The following LRRC9 variants were observed in gnomAD, a reference collection of about 807,000 sequenced individuals.
LRRC9 encodes the protein leucine rich repeat containing 9.
A neutral mutation model predicts 63.2 loss-of-function variants in LRRC9; 122 were observed. The ratio of observed to expected loss-of-function variants is 1.93; its 90% CI spans 1.67 to 2.24. The LOEUF is 2.24. Ranked by LOEUF, LRRC9 falls within the 30% of genes most tolerant of loss-of-function variation. The pLI, the probability that LRRC9 is intolerant of heterozygous loss-of-function variation, is 0.00. For synonymous variants in LRRC9, 366 were observed against 213.1 expected (o/e 1.72, Z -6.25); for missense variants, 1,071 against 627.7 (o/e 1.71, Z -7.55).
chr14:60,029,394 G>C (rs989190022), intron 28 of LRRC9, among the ~76,000 whole-genome samples: 6 of 152,030 alleles, frequency 3.9e-5, no homozygotes, highest in African/African-American at 1.4e-4. Context: ...TAGTAGGGGA[G>C]TGTTTCATTT....
intron 15 of LRRC9, among the ~76,000 whole-genome samples, chr14:59,979,139 G>A (rs1886636614): frequency 6.6e-6 from 1 of 152,042 alleles, no homozygotes; most frequent in Admixed American, 6.6e-5. Flanking sequence ...AGGCATGGTG[G>A]CTCATGCCTG....
intron 8 of LRRC9, among the ~76,000 whole-genome samples, chr14:59,952,175 G>T (rs557842387): frequency 2.6e-5 from 4 of 151,378 alleles, no homozygotes; most frequent in African/African-American, 9.7e-5. Flanking sequence ...AGGACCCTCC[G>T]AGCCAGGTGT....
At chr14:60,037,711 C>A (rs935159563) in intron 29 of LRRC9, among the ~76,000 whole-genome samples, 2 of 152,104 alleles carry the variant, frequency 1.3e-5, no homozygotes, top group African/African-American at 2.4e-5. Flanking sequence ...TCCCATTCTG[C>A]AGGTTGCCTG....
At chr14:59,980,457 C>T (rs1347361645) in intron 15 of LRRC9, among the ~76,000 whole-genome samples, 1 of 152,032 alleles carries the variant, frequency 6.6e-6, no homozygotes, top group Non-Finnish European at 1.5e-5. Context: ...TCTTTTTAAA[C>T]TTTTTTTGAC....
chr14:59,960,615 A>G (rs1884252008), intron 9 of LRRC9, among the ~76,000 whole-genome samples: 1 of 152,200 alleles, frequency 6.6e-6, no homozygotes, highest in Non-Finnish European at 1.5e-5. Context: ...TTGCCATTTT[A>G]CTGAGAAAAC....
At chr14:60,028,705 T>C (rs1443656223) in intron 28 of LRRC9, among the ~76,000 whole-genome samples, 1 of 152,106 alleles carries the variant, frequency 6.6e-6, no homozygotes, top group East Asian at 1.9e-4. Context: ...TCTCTTAGCA[T>C]TTCTGTGGTG....
chr14:60,061,346 T>C (rs1894646806), intron 31 of LRRC9, among the ~76,000 whole-genome samples: 1 of 152,216 alleles, frequency 6.6e-6, no homozygotes. Context: ...CCATCCTGAC[T>C]GGTCAGCAGC....
intron 1 of LRRC9, among the ~76,000 whole-genome samples, chr14:59,924,766 T>C (rs1473239862): frequency 6.6e-6 from 1 of 152,192 alleles, no homozygotes; most frequent in Non-Finnish European, 1.5e-5. Flanking sequence ...AGATAGCACA[T>C]GATTTGGCCC....
intron 17 of LRRC9, among the ~76,000 whole-genome samples, chr14:59,995,987 G>A (rs1404992974): frequency 3.3e-5 from 5 of 151,976 alleles, no homozygotes; most frequent in South Asian, 2.1e-4. Context: ...TGATCCACCC[G>A]CCTCAGCCTC....
intron 8 of LRRC9, among the ~76,000 whole-genome samples, chr14:59,959,510 G>A (rs150682): frequency 0.18 from 27,977 of 152,016 alleles, 3,699 homozygotes; most frequent in African/African-American, 0.37. Flanking sequence ...TAATAGAGGC[G>A]AACTTATTAA....
chr14:59,957,054 C>T (rs146681187), intron 8 of LRRC9, among the ~76,000 whole-genome samples: 8 of 152,104 alleles, frequency 5.3e-5, no homozygotes, highest in South Asian at 2.1e-4. Flanking sequence ...CTCTGGCTGC[C>T]CTTAACATTT....
At chr14:60,045,315 G>A (rs1037876959) in intron 29 of LRRC9, among the ~76,000 whole-genome samples, 1 of 152,026 alleles carries the variant, frequency 6.6e-6, no homozygotes, top group African/African-American at 2.4e-5. Flanking sequence ...GGATGTGCAG[G>A]TCTGTTACTT....
rs147770749 is a variant in LRRC9, at chr14:59,940,378, G to T, written c.726+1806G>T. ...TTCCCTACTATGCATGAGACAAATT[G>T]TGGCAGTTCTTTGTGATAAACTCTT... On this transcript the variant is annotated intron_variant, in intron 7 of 31. Coordinates refer to ENST00000445360, the Ensembl canonical transcript of LRRC9. Among the ~76,000 whole-genome samples the T allele has an allele frequency of 5.1e-3, 776 of 152,182 alleles. 13 individuals are homozygous for T. The highest frequency in any genetic ancestry group is 0.018 in the African/African-American group (733 of 41,536).
At chr14:60,056,273 C>T (rs1894278702) in intron 30 of LRRC9, among the ~76,000 whole-genome samples, 1 of 152,130 alleles carries the variant, frequency 6.6e-6, no homozygotes, top group Non-Finnish European at 1.5e-5. Context: ...CAGTGAAAGA[C>T]CTATGAAAAT....
intron 20 of LRRC9, 103 bp downstream of exon 20, chr14:60,002,203 A>G: frequency 2.0e-6 from 1 of 501,966 alleles, no homozygotes; most frequent in Non-Finnish European, 3.5e-6. Context: ...TAGGTAAGGG[A>G]CAGAAAGCTG....
chr14:60,012,500 G>A (rs894637603), intron 23 of LRRC9, among the ~76,000 whole-genome samples: 4 of 152,112 alleles, frequency 2.6e-5, no homozygotes, highest in African/African-American at 9.7e-5. Context: ...ATTTAGATAT[G>A]AAGTTTTAAC....
chr14:59,956,988 A>G (rs1883826211), intron 8 of LRRC9, among the ~76,000 whole-genome samples: 1 of 152,170 alleles, frequency 6.6e-6, no homozygotes, highest in African/African-American at 2.4e-5. Context: ...GGGTTTCTGC[A>G]GAGAGATCAG....
At position 59,975,064 on chromosome 14, in the gene LRRC9, C is replaced by CTG. The variant is rs1333386391; in HGVS notation, c.1639+357_1639+358insGT. On this transcript the variant is annotated intron_variant, in intron 13 of 31. Coordinates refer to ENST00000445360, the Ensembl canonical transcript of LRRC9. ...ATATATATATATATGCTGAACTAAA[C>CTG]TATGTGTGTGTGTGTGTGTGTAGTG... Among the ~76,000 whole-genome samples the CTG allele has an allele frequency of 1.3e-3, 15 of 11,406 alleles. 2 individuals carry two copies. The highest frequency in any genetic ancestry group is 2.0e-3 in the East Asian group (1 of 512). The allele number at this position is 11,406 out of a possible 152,430, so 7.5% of individuals were successfully genotyped here.
intron 26 of LRRC9, among the ~76,000 whole-genome samples, chr14:60,019,893 G>A (rs1387207148): frequency 6.6e-6 from 1 of 151,262 alleles, no homozygotes; most frequent in Non-Finnish European, 1.5e-5. Context: ...ATTTTATAAC[G>A]TGTATCTCCA....
Sources: allele counts gnomAD v4.1 joint callset (sites outside exome capture counted in the v4.1 genomes callset), GRCh38; gene constraint gnomAD v4.1.1; transcripts MANE v1.5; gene names NCBI Gene and HGNC (gene_info 2026-07-23, HGNC 2026-07-21).